Variants in PAPLN observed in about 807,000 individuals in gnomAD.
The protein encoded by PAPLN is papilin.
PAPLN carries 146 observed loss-of-function variants against 159.0 expected under a neutral mutation model. The observed-to-expected ratio is 0.92, with a 90% CI of 0.80 to 1.05. PAPLN has a LOEUF of 1.05. PAPLN is among the 50% of genes least tolerant of loss of function. The pLI is 0.00. For synonymous variants in PAPLN, 734 were observed against 702.9 expected, an observed-to-expected ratio of 1.04 and a Z score of -0.70; for missense variants, 1,720 against 1,743.9, an observed-to-expected ratio of 0.99 and a Z score of 0.24.
chr14:73,254,382 T>C, intron 12 of PAPLN, 131 bp from the exon 13 acceptor site: 2 of 1,153,292 alleles, frequency 1.7e-6, no homozygotes. Flanking sequence ...TCAGCCTCTC[T>C]GGGCCTGGGA....
chr14:73,263,907 GGTGT>G (rs1289148870), intron 20 of PAPLN, 125 bp downstream of exon 20: 17 of 1,197,640 alleles, frequency 1.4e-5, no homozygotes, highest in East Asian at 2.7e-5. Flanking sequence ...TCCTTTGACA[GGTGT>G]GTGTGACAGC....
intron 5 of PAPLN, among the ~76,000 whole-genome samples, chr14:73,246,514 C>T (rs925416673): frequency 1.3e-5 from 2 of 150,472 alleles, no homozygotes; most frequent in South Asian, 4.2e-4. Context: ...AGAGGTCCCT[C>T]GAGAGAGAGC....
rs749325889 is a variant in PAPLN at position 73,259,082 on chromosome 14, C to G, written c.1708+23C>G. 3.4e-5 allele frequency: 54 copies of G among 1,595,858 alleles called. No homozygotes were observed. The East Asian group carries it at 4.0e-4, about 12-fold the overall frequency. ...CAGGTGAGAGCCTGGTCCCGTCCCC[C>G]ACTCAGAGCCCTGTAGTTTTTGTGT... On this transcript the variant is annotated intron_variant, in intron 15 of 26. Transcript: ENST00000644200.
chr14:73,261,381 C>A, intron 18 of PAPLN, 87 bp downstream of exon 18: 1 of 1,498,682 alleles, frequency 6.7e-7, no homozygotes, highest in Non-Finnish European at 8.9e-7. Flanking sequence ...CAAAGACCTT[C>A]CTACCAGCTC....
rs759667970 is a variant in PAPLN, at chr14:73,266,647, G to A, written c.3391+19G>A. 6.2e-7 allele frequency: 1 copy of A among 1,614,160 alleles called. No individual in the cohort carries two copies. Among genetic ancestry groups the A allele is most frequent in the Non-Finnish European group, 8.5e-7 (1 of 1,180,006 alleles). On this transcript the variant is annotated intron_variant, in intron 24 of 26. Transcript: ENST00000644200. ...GTTCTGGGTAAAGTGGCAGTCCTGA[G>A]TGGCCTTTGAGGTCAGGTGGCATGG...
At chr14:73,260,594 C>G (rs1886457015) in intron 16 of PAPLN, 115 bp from the exon 17 acceptor site, 1 of 1,310,214 alleles carries the variant, frequency 7.6e-7, no homozygotes, top group South Asian at 2.6e-5. Flanking sequence ...GTCCTCTCCC[C>G]CCCAGGTCCC....
At position 73,251,486 on chromosome 14, in the gene PAPLN, G is replaced by T. The variant is rs746894549; in HGVS notation, c.590G>T (p.Gly197Val). The change falls in exon 8 of 27, where the codon GGC becomes GTC. Residue 197 changes from glycine (G) to valine (V), a missense_variant and splice_region_variant. Transcript: ENST00000644200. ...CCAGCACCTGCGTCTCTGCCCCCAG[G>T]CTACAACCAGATCCTCATAGTTCCC... is the stretch of plus-strand genomic sequence containing the variant. Reference protein sequence around the residue: ...GTFDANDLSRGYNQILIVPMG... With the variant: ...GTFDANDLSRVYNQILIVPMG... 1.1e-5 allele frequency: 17 copies of T among 1,605,394 alleles called. No homozygotes were observed. The highest frequency in any genetic ancestry group is 1.4e-5 in the Non-Finnish European group (17 of 1,179,804).
At position 73,259,058 on chromosome 14, in the gene PAPLN, A is replaced by G; in HGVS notation, c.1707A>G (p.Ser569=). 6.2e-7 allele frequency: 1 copy of G among 1,610,722 alleles called. No individual in the cohort carries two copies. The highest frequency in any genetic ancestry group is 2.2e-5 in the East Asian group (1 of 44,754). ...MPLGPQESPA[S]DSRGQWWAAQ... Reference sequence around the variant, plus strand: ...TGGGCCCTCAGGAGTCCCCTGCCTCAGGTGAGAGCCTGGTCCCGTCCCCCA... The same window carrying G: ...TGGGCCCTCAGGAGTCCCCTGCCTCGGGTGAGAGCCTGGTCCCGTCCCCCA... Residue 569 remains serine, a splice_region_variant and synonymous_variant, in exon 15 of 27, where the codon TCA becomes TCG. Transcript: ENST00000644200.
intron 2 of PAPLN, chr14:73,243,977 A>G (rs1474863979): frequency 6.6e-6 from 1 of 152,366 alleles, no homozygotes; most frequent in Non-Finnish European, 1.5e-5. Context: ...AGCCTGAAAG[A>G]GTACAGGAGG....
chr14:73,250,370 G>T (rs557017903), intron 6 of PAPLN, among the ~76,000 whole-genome samples: 1 of 152,182 alleles, frequency 6.6e-6, no homozygotes, highest in Non-Finnish European at 1.5e-5. Flanking sequence ...GGCTAAAACC[G>T]ACTTCAGAAA....
At chr14:73,268,118 C>G (rs1566710180) in intron 25 of PAPLN, among the ~76,000 whole-genome samples, 1 of 151,866 alleles carries the variant, frequency 6.6e-6, no homozygotes, top group Non-Finnish European at 1.5e-5. Flanking sequence ...TCCCTTCCCT[C>G]TGCTCCAGGA....
chr14:73,244,632 T>C lies in PAPLN; in HGVS notation c.55-12T>C, dbSNP rs1006426417. The stretch of plus-strand genomic sequence containing the variant: ...AGTGGGCAATGCTGATGCATGGTCC[T>C]GTCTTCTGCAGGCTCCCAAGGTGAG... On this transcript the variant is annotated splice_polypyrimidine_tract_variant and intron_variant, in intron 2 of 26. Transcript: ENST00000644200. 1.6e-5 allele frequency: 25 copies of C among 1,561,178 alleles called. No homozygotes were observed. The Admixed American group carries it at 1.7e-4, about 11-fold the overall frequency.
At position 73,265,754 on chromosome 14, in the gene PAPLN, G is replaced by A. The variant is rs929928139; in HGVS notation, c.3263+247G>A. On this transcript the variant is annotated intron_variant, in intron 23 of 26. Transcript: ENST00000644200. This position sits in a 1 kb window ranked among gnomAD's most constrained non-coding sequence, Gnocchi z 4.1. ...GAGGCCAGCTAACAGAGGTGATGAC[G>A]GAAGAAGAAAATGGAGTCAGAACAC... Among the ~76,000 whole-genome samples, 2 of 152,204 alleles carry A rather than the reference G, an allele frequency of 1.3e-5. No homozygotes were observed. The highest frequency in any genetic ancestry group is 1.9e-4 in the East Asian group (1 of 5,194).
At chr14:73,259,568 C>A in intron 16 of PAPLN, 23 bp downstream of exon 16, 1 of 1,487,234 alleles carries the variant, frequency 6.7e-7, no homozygotes. Flanking sequence ...GACAGGTCTT[C>A]CTCCTCCCCC....
At chr14:73,238,050 G>T (rs978030986) in intron 1 of PAPLN, among the ~76,000 whole-genome samples, 1 of 152,176 alleles carries the variant, frequency 6.6e-6, no homozygotes, top group Non-Finnish European at 1.5e-5. Context: ...CGCCTCGGGG[G>T]TGCGCGGCGC....
chr14:73,264,800 G>A (rs1475311238), intron 22 of PAPLN, 74 bp downstream of exon 22: 42 of 1,595,762 alleles, frequency 2.6e-5, no homozygotes, highest in Admixed American at 7.3e-5. Flanking sequence ...GGATAAGGAG[G>A]GGAACGTCTG....
chr14:73,250,942 G>A lies in PAPLN; in HGVS notation c.501G>A (p.Lys167=). The A allele has an allele frequency of 2.5e-6, 4 of 1,613,708 alleles. No individual in the cohort carries two copies. The highest frequency in any genetic ancestry group is 3.4e-6 in the Non-Finnish European group (4 of 1,179,940). The change falls in exon 7 of 27, where the codon AAG becomes AAA. Residue 167 remains lysine, a synonymous_variant. Coordinates refer to ENST00000644200, the MANE Select transcript of PAPLN (RefSeq NM_001365906.3). ...VGCDHELDSS[K]QEDKCLRCGG... ...GTGATCACGAGCTGGACTCGTCCAA[G>A]CAGGAGGACAAGTGTCTGCGGTGTG... is the stretch of plus-strand genomic sequence containing the variant.
intron 2 of PAPLN, among the ~76,000 whole-genome samples, chr14:73,241,016 G>T (rs778801533): frequency 1.9e-4 from 26 of 135,600 alleles, no homozygotes; most frequent in South Asian, 6.5e-4. Context: ...GGGAGGTCGG[G>T]GGGGGGATGC....
At chr14:73,263,867 C>T in intron 20 of PAPLN, 85 bp downstream of exon 20, 1 of 1,438,436 alleles carries the variant, frequency 7.0e-7, no homozygotes, top group Non-Finnish European at 9.4e-7. Flanking sequence ...GCTCCCCCAC[C>T]TCCTCTGATA....
Sources: gnomAD v4.1 joint callset for allele counts (sites outside exome capture counted in the v4.1 genomes callset) on GRCh38, gnomAD v4.1.1 for gene constraint, Gnocchi (gnomAD v3.1) non-coding constraint, MANE v1.5 for transcripts, NCBI Gene and HGNC (gene_info 2026-07-23, HGNC 2026-07-21) for gene names.